Variants in ING1 observed in about 807,000 individuals in gnomAD.
The protein encoded by ING1 is inhibitor of growth protein 1.
A neutral mutation model predicts 23.1 loss-of-function variants in ING1; 4 were observed. That is an observed-to-expected ratio of 0.17 (90% CI 0.09 to 0.40). The LOEUF is 0.40. Ranked by LOEUF, ING1 falls within the 10% of genes least tolerant of loss-of-function variation. ING1 has a pLI of 1.00. For missense variants in ING1, 256 were observed against 393.8 expected (o/e 0.65, Z 2.96); for synonymous variants, 179 against 166.4 (o/e 1.08, Z -0.58).
chr13:110,719,933 T>A lies in ING1; in HGVS notation c.*1T>A. Reference sequence around the variant, plus strand: ...AAAAGAGAGGGCTTACAACAGGTAGTTTGTGGACAGGCGCCTGGTGTGAGG... The same window carrying A: ...AAAAGAGAGGGCTTACAACAGGTAGATTGTGGACAGGCGCCTGGTGTGAGG... On this transcript the variant is annotated 3_prime_UTR_variant, in exon 2 of 2. Coordinates refer to ENST00000333219, the MANE Select transcript of ING1 (RefSeq NM_198219.3). The surrounding 1 kb of genome is among the most constrained non-coding windows in gnomAD (Gnocchi z 8.9). 6.3e-7 allele frequency: 1 copy of A among 1,591,244 alleles called. No individual in the cohort carries two copies. The highest frequency in any genetic ancestry group is 1.1e-5 in the South Asian group (1 of 88,280).
In ING1 at chr13:110,719,350, C is replaced by T. The variant is rs768156324; in HGVS notation, c.258C>T (p.Asp86=). ...TGATCCGCAGCCAGGAGCTGGGCGA[C>T]GAGAAGATCCAGATCGTGAGCCAGA... ...RALIRSQELG[D]EKIQIVSQMV... is the part of the protein sequence containing the mutation. Residue 86 remains aspartate (D), a synonymous_variant, in exon 2 of 2, where the codon GAC becomes GAT. Coordinates refer to ENST00000333219, the MANE Select transcript of ING1 (RefSeq NM_198219.3). The surrounding 1 kb of genome is among the most constrained non-coding windows in gnomAD (Gnocchi z 8.9). 3.7e-6 allele frequency: 6 copies of T among 1,609,140 alleles called. No homozygotes were observed. The South Asian group carries it at 6.6e-5, about 18-fold the overall frequency.
Position 110,719,683 on chromosome 13 carries a change from G to C in ING1, c.591G>C (p.Glu197Asp). Residue 197 changes from glutamate to aspartate, a missense_variant, in exon 2 of 2, where the codon GAG becomes GAC. By Grantham distance (45) the Glu-to-Asp change is conservative. This residue lies in a region of ING1 where 25 missense variants were observed against 95.8 expected (regional missense o/e 0.26). Transcript: ENST00000333219. The surrounding 1 kb of genome is among the most constrained non-coding windows in gnomAD (Gnocchi z 8.9). The stretch of plus-strand genomic sequence containing the variant: ...GCTCCAAGGCCAAGGCGGAGCGAGA[G>C]GCGTCCCCTGCCGACCTCCCCATCG... ...KKRSKAKAER[E>D]ASPADLPIDP... is the part of the protein sequence containing the mutation. 1 of 1,613,898 alleles carries C rather than the reference G, an allele frequency of 6.2e-7. No individual in the cohort carries two copies. Among genetic ancestry groups the C allele is most frequent in the Non-Finnish European group, 8.5e-7 (1 of 1,179,972 alleles).
intron 1 of ING1, among the ~76,000 whole-genome samples, chr13:110,717,086 A>G (rs945334135): frequency 6.6e-6 from 1 of 152,224 alleles, no homozygotes; most frequent in Non-Finnish European, 1.5e-5. Context: ...TATATGATAC[A>G]GTTTTCTGTG....
chr13:110,713,731 C>A lies in ING1; in HGVS notation c.-419C>A. On this transcript the variant is annotated 5_prime_UTR_variant, in exon 1 of 2. Transcript: ENST00000333219. Reference sequence around the variant, plus strand: ...TCCACGTTGGACAAGTGCGGCTCGGCGGCCAGCGGAGCGCGCCCCTTCCCG... The same window carrying A: ...TCCACGTTGGACAAGTGCGGCTCGGAGGCCAGCGGAGCGCGCCCCTTCCCG... 2 of 985,176 alleles carry A rather than the reference C, an allele frequency of 2.0e-6. No homozygotes were observed. Among genetic ancestry groups the A allele is most frequent in the Non-Finnish European group, 2.4e-6 (2 of 829,858 alleles). The allele number at this position is 985,176 out of a possible 1,614,324, so 61.0% of individuals were successfully genotyped here.
rs934558695 is a variant in ING1 at position 110,720,743 on chromosome 13, G to A, written c.*811G>A. The stretch of plus-strand genomic sequence containing the variant: ...TGTATGTGAGCTGTAAAAATGTTAC[G>A]TGAAGAAATAAATGAAACTTGGCCA... On this transcript the variant is annotated 3_prime_UTR_variant, in exon 2 of 2. Coordinates refer to ENST00000333219, the MANE Select transcript of ING1 (RefSeq NM_198219.3). The A allele has an allele frequency of 6.0e-6, 1 of 167,080 alleles. No individual in the cohort carries two copies. The highest frequency in any genetic ancestry group is 2.4e-5 in the African/African-American group (1 of 41,468). The allele number at this position is 167,080 out of a possible 1,614,324, so 10.3% of individuals were successfully genotyped here.
intron 1 of ING1, chr13:110,715,615 G>T (rs112716013): frequency 6.2e-7 from 1 of 1,613,958 alleles, no homozygotes. Flanking sequence ...GAACGTCTTC[G>T]GGTCGCTCGG....
intron 1 of ING1, among the ~76,000 whole-genome samples, chr13:110,714,683 G>A (rs1476626475): frequency 1.3e-5 from 2 of 152,216 alleles, no homozygotes; most frequent in Non-Finnish European, 2.9e-5. Flanking sequence ...CGGGGCTGCA[G>A]GAGGAGGGCG....
At chr13:110,713,347 C>G, upstream of ING1, 11 of 1,093,608 alleles carry the variant, frequency 1.0e-5, no homozygotes, top group Non-Finnish European at 1.2e-5. Flanking sequence ...AGGTCCTGGT[C>G]GGGTTTTCAG....
rs1045351657 is a variant in ING1, at chr13:110,723,078, A to G, written c.*3146A>G. 2.6e-5 allele frequency: 4 copies of G among 152,242 alleles called. No individual in the cohort carries two copies. The highest frequency in any genetic ancestry group is 9.6e-5 in the African/African-American group (4 of 41,468). 9.4% of individuals were successfully genotyped at this position (152,242 alleles called of 1,614,324 possible). ...GGGTCCAAAGTGTTTTCGTTATGAT[A>G]TAATACTTTCTATTGTAAACTGGAC... is the stretch of plus-strand genomic sequence containing the variant. On this transcript the variant is annotated 3_prime_UTR_variant, in exon 2 of 2. Coordinates refer to ENST00000333219, the MANE Select transcript of ING1 (RefSeq NM_198219.3).
Position 110,714,005 on chromosome 13 carries a change from G to T in ING1, c.-145G>T. On this transcript the variant is annotated 5_prime_UTR_variant, in exon 1 of 2. It removes an upstream start codon present in the reference 5' UTR. Coordinates refer to ENST00000333219, the MANE Select transcript of ING1 (RefSeq NM_198219.3). ...GAGGCGGCGGACGGGCTCGGCAGAT[G>T]TAGCCGCCGGGCCGAAGCAGGAGCC... The T allele has an allele frequency of 8.6e-7, 1 of 1,168,558 alleles. No homozygotes were observed. Among genetic ancestry groups the T allele is most frequent in the Non-Finnish European group, 1.1e-6 (1 of 945,964 alleles). The allele number at this position is 1,168,558 out of a possible 1,614,324, so 72.4% of individuals were successfully genotyped here.
At chr13:110,713,458 C>T (rs2064063276), upstream of ING1, 2 of 991,016 alleles carry the variant, frequency 2.0e-6, no homozygotes, top group Non-Finnish European at 2.4e-6. Flanking sequence ...TTGCGCCTCG[C>T]CCGCCGTCCA....
chr13:110,720,028 T>C lies in ING1; in HGVS notation c.*96T>C. ...AGGTGCAAGGAGTGTAAAATGTATA[T>C]TTTTAAAGAATGTTAGTAAAGGAAC... is the stretch of plus-strand genomic sequence containing the variant. On this transcript the variant is annotated 3_prime_UTR_variant, in exon 2 of 2. Transcript: ENST00000333219. 2.2e-6 allele frequency: 2 copies of C among 907,464 alleles called. No homozygotes were observed. Among genetic ancestry groups the C allele is most frequent in the Non-Finnish European group, 1.6e-6 (1 of 619,462 alleles). The allele number at this position is 907,464 out of a possible 1,614,324, so 56.2% of individuals were successfully genotyped here.
At chr13:110,715,495 G>A in intron 1 of ING1, 2 of 1,613,570 alleles carry the variant, frequency 1.2e-6, no homozygotes, top group Non-Finnish European at 1.7e-6. Flanking sequence ...ATTGGTCGCT[G>A]AGGCGGATGA....
intron 1 of ING1, chr13:110,715,765 G>T (rs778295664): frequency 2.0e-5 from 31 of 1,584,808 alleles, no homozygotes; most frequent in Non-Finnish European, 2.3e-5. Flanking sequence ...TGCGGGGCGA[G>T]TCTCCCGCTG....
upstream of ING1, chr13:110,713,429 C>G: frequency 1.0e-6 from 1 of 1,002,078 alleles, no homozygotes; most frequent in Non-Finnish European, 1.2e-6. Flanking sequence ...CTCCAAGTGC[C>G]AAAAACTCCT....
upstream of ING1, chr13:110,713,300 T>G (rs945567094): frequency 5.7e-6 from 7 of 1,224,936 alleles, no homozygotes; most frequent in Middle Eastern, 3.2e-4. Context: ...AGTTGCTGTG[T>G]ACCATGGTCT....
Position 110,719,602 on chromosome 13 carries a change from C to A in ING1, c.510C>A (p.Asp170Glu), listed in dbSNP as rs540953691. ...ENASSNHDHD[D>E]GASGTPKEKK... ...CGTCCAGCAACCACGACCACGACGACGGCGCCTCGGGCACACCCAAGGAGA... is the reference window on the plus strand; with the variant it reads ...CGTCCAGCAACCACGACCACGACGAAGGCGCCTCGGGCACACCCAAGGAGA... The change falls in exon 2 of 2, where the codon GAC (aspartate) becomes GAA (glutamate). Residue 170 changes from aspartate to glutamate, a missense_variant. By Grantham distance (45) the Asp-to-Glu change is conservative (BLOSUM62 2). Coordinates refer to ENST00000333219, the MANE Select transcript of ING1 (RefSeq NM_198219.3). This position sits in a 1 kb window ranked among gnomAD's most constrained non-coding sequence, Gnocchi z 8.9. The A allele has an allele frequency of 6.2e-7, 1 of 1,611,580 alleles. No individual in the cohort carries two copies. The highest frequency in any genetic ancestry group is 1.3e-5 in the African/African-American group (1 of 74,678).
At chr13:110,713,476 G>A, upstream of ING1, 2 of 989,146 alleles carry the variant, frequency 2.0e-6, no homozygotes, top group Non-Finnish European at 2.4e-6. Context: ...CCACACCCCA[G>A]CGGCCCTGAC....
chr13:110,715,836 C>A, intron 1 of ING1: 1 of 1,589,872 alleles, frequency 6.3e-7, no homozygotes. Context: ...CCCCGCTCAG[C>A]CCGGCCACTT....
Sources: gnomAD v4.1 joint callset for allele counts (sites outside exome capture counted in the v4.1 genomes callset) on GRCh38, gnomAD v4.1.1 for gene constraint, gnomAD v4.1.1 regional missense constraint, Gnocchi (gnomAD v3.1) non-coding constraint, MANE v1.5 for transcripts, NCBI Gene and HGNC (gene_info 2026-07-23, HGNC 2026-07-21) for gene names.